The following HMCN2 variants were observed in gnomAD, a reference collection of about 807,000 sequenced individuals.
The protein encoded by HMCN2 is hemicentin 2, also known as hemicentin-2.
Under a neutral mutation model 377.5 loss-of-function variants are expected in HMCN2, and 325 were observed. The observed-to-expected ratio is 0.86, with a 90% CI of 0.79 to 0.94. The LOEUF (loss-of-function observed/expected upper bound fraction) is 0.94. Among genes scored for constraint, HMCN2 ranks in the 40% least tolerant of loss-of-function variants. HMCN2 has a pLI of 0.00. For missense variants in HMCN2, 4,543 were observed against 4,725.3 expected (o/e 0.96, Z 1.13); for synonymous variants, 2,007 against 2,046.8 (o/e 0.98, Z 0.53).
intron 66 of HMCN2, among the ~76,000 whole-genome samples, chr9:130,392,496 G>A (rs896009870): frequency 2.6e-5 from 4 of 152,180 alleles, no homozygotes; most frequent in East Asian, 1.9e-4. Context: ...GACAGAGAGT[G>A]AAGCCAGTGA....
chr9:130,311,334 G>C (rs1360186338), intron 15 of HMCN2, among the ~76,000 whole-genome samples: 2 of 152,200 alleles, frequency 1.3e-5, no homozygotes. Flanking sequence ...GTCTGGCCTG[G>C]GGGGGTTGTG....
chr9:130,428,319 A>T lies in HMCN2; in HGVS notation c.14066-39A>T, dbSNP rs548093965. On this transcript the variant is annotated intron_variant, in intron 92 of 97. Coordinates refer to ENST00000683500, the MANE Select transcript of HMCN2 (RefSeq NM_001291815.2). This position sits in a 1 kb window ranked among gnomAD's most constrained non-coding sequence, Gnocchi z 5.0. Reference sequence around the variant, plus strand: ...GTCAGGTGGCGAGGCACGCCTGGGGATCATGTTCACACAGCCGTCTGCCCT... The same window carrying T: ...GTCAGGTGGCGAGGCACGCCTGGGGTTCATGTTCACACAGCCGTCTGCCCT... 7 of 1,496,348 alleles carry T rather than the reference A, an allele frequency of 4.7e-6. No individual in the cohort carries two copies. The East Asian group carries it at 7.6e-5, about 16-fold the overall frequency. 92.7% of individuals were successfully genotyped at this position (1,496,348 alleles called of 1,614,324 possible).
intron 84 of HMCN2, 65 bp from the exon 85 acceptor site, chr9:130,410,506 C>T: frequency 8.9e-6 from 13 of 1,467,184 alleles, no homozygotes; most frequent in Non-Finnish European, 1.2e-5. Flanking sequence ...GTCCCCTACC[C>T]AACTGTCTGA....
chr9:130,342,056 T>TAAAA (rs1228375986), intron 24 of HMCN2, among the ~76,000 whole-genome samples: 34 of 148,110 alleles, frequency 2.3e-4, no homozygotes, highest in African/African-American at 8.1e-4. Flanking sequence ...AATAAATAAA[T>TAAAA]AAATAAAAGC....
chr9:130,303,626 C>T lies in HMCN2; in HGVS notation c.1543+18C>T, dbSNP rs1554935409. On this transcript the variant is annotated intron_variant, in intron 10 of 97. Coordinates refer to ENST00000683500, the MANE Select transcript of HMCN2 (RefSeq NM_001291815.2). This position sits in a 1 kb window ranked among gnomAD's most constrained non-coding sequence, Gnocchi z 5.2. ...TGTCACAGGTCTGTCCCTTGGGGCC[C>T]CTCCATGTACCCCTTCCTTACCCTC... 1 of 248,862 alleles carries T rather than the reference C, an allele frequency of 4.0e-6. No individual in the cohort carries two copies. The highest frequency in any genetic ancestry group is 2.4e-5 in the African/African-American group (1 of 42,466). 15.4% of individuals were successfully genotyped at this position (248,862 alleles called of 1,614,324 possible). A position where few individuals can be genotyped will look rare whatever the true frequency, so the allele number is the denominator to read the frequency against.
chr9:130,429,875 T>C, intron 94 of HMCN2, 190 bp downstream of exon 94: 3 of 1,137,416 alleles, frequency 2.6e-6, no homozygotes, highest in East Asian at 2.7e-5. Context: ...CAGCCGACAC[T>C]TTGCACTCAC....
chr9:130,395,429 GAGCGGGTGC>G, intron 71 of HMCN2, 82 bp downstream of exon 71: 1 of 1,176,700 alleles, frequency 8.5e-7, no homozygotes, highest in Non-Finnish European at 1.1e-6. Context: ...CCAAGATCCA[GAGCGGGTGC>G]CAAGGGCCCG....
rs891348727 is a variant in HMCN2, at chr9:130,345,303, G to A, written c.3830-1863G>A. 9.4e-5 allele frequency among the ~76,000 whole-genome samples: 14 copies of A among 149,216 alleles called. No homozygotes were observed. The East Asian group carries it at 1.8e-3, about 19-fold the overall frequency. ...GTATGGTGTGTACGTGGTGTGTGGT[G>A]TGTGTGTTGTTTGATATGTATGCTG... On this transcript the variant is annotated intron_variant, in intron 25 of 97. Transcript: ENST00000683500.
Position 130,382,225 on chromosome 9 carries a change from G to A in HMCN2, c.8473G>A (p.Ala2825Thr). Residue 2825 changes from alanine (A) to threonine (T), a missense_variant, in exon 55 of 98, where the codon GCC (alanine) becomes ACC (threonine). Ala to Thr is a moderately conservative substitution (Grantham distance 58). Transcript: ENST00000683500. ...LQIPLVRAEN[A>T]GRYSCKASNE... ...GATCCCCCTGGTGCGGGCAGAGAAC[G>A]CCGGGAGGTACTCGTGCAAGGCCTC... 6.1e-6 allele frequency: 6 copies of A among 985,860 alleles called. No individual in the cohort carries two copies. Among genetic ancestry groups the A allele is most frequent in the South Asian group, 9.4e-5 (2 of 21,284 alleles). 61.1% of individuals were successfully genotyped at this position (985,860 alleles called of 1,614,324 possible). A position where few individuals can be genotyped will look rare whatever the true frequency, so the allele number is the denominator to read the frequency against.
In HMCN2 at chr9:130,427,496, G is replaced by A; in HGVS notation, c.13943-1G>A. 6.4e-7 allele frequency: 1 copy of A among 1,550,440 alleles called. No individual in the cohort carries two copies. The highest frequency in any genetic ancestry group is 8.7e-7 in the Non-Finnish European group (1 of 1,146,922). ...GACCACCAGACCCCTTCCTGCCCCA[G>A]ACAGGGACGAGTGCTCAGGAGGCCC... On this transcript the variant is annotated splice_acceptor_variant, in intron 91 of 97. Transcript: ENST00000683500. LOFTEE classifies it high-confidence loss of function.
chr9:130,360,542 A>T lies in HMCN2; in HGVS notation c.5888A>T (p.Tyr1963Phe). The T allele has an allele frequency of 7.7e-7, 1 of 1,304,186 alleles. No individual in the cohort carries two copies. Among genetic ancestry groups the T allele is most frequent in the Non-Finnish European group, 1.0e-6 (1 of 988,918 alleles). The allele number at this position is 1,304,186 out of a possible 1,614,324, so 80.8% of individuals were successfully genotyped here. ...GCCCAGCTTTCTGATGCTGGGAGCT[A>T]CCGCTGTGTGGCATCCAATGTGGCA... ...EQAQLSDAGSYRCVASNVAGS... is the reference protein window; with the variant it reads ...EQAQLSDAGSFRCVASNVAGS... The change falls in exon 38 of 98, where the codon TAC becomes TTC. Residue 1963 changes from tyrosine to phenylalanine, a missense_variant. This residue lies in a region of HMCN2 where 1,032 missense variants were observed against 1,285.1 expected (regional missense o/e 0.80). Coordinates refer to ENST00000683500, the MANE Select transcript of HMCN2 (RefSeq NM_001291815.2). This position sits in a 1 kb window ranked among gnomAD's most constrained non-coding sequence, Gnocchi z 4.7.
At position 130,358,218 on chromosome 9, in the gene HMCN2, C is replaced by T. The variant is rs1007243771; in HGVS notation, c.5581-172C>T. Reference sequence around the variant, plus strand: ...GACAGGGAATGGTATGCCTGGAGATCGGACGAATCCCTGGAATCCAAGTGC... The same window carrying T: ...GACAGGGAATGGTATGCCTGGAGATTGGACGAATCCCTGGAATCCAAGTGC... On this transcript the variant is annotated intron_variant, in intron 35 of 97. Transcript: ENST00000683500. The T allele has an allele frequency of 2.4e-5, 13 of 542,420 alleles. No homozygotes were observed. The East Asian group carries it at 8.8e-4, about 37-fold the overall frequency. 33.6% of individuals were successfully genotyped at this position (542,420 alleles called of 1,614,324 possible).
intron 4 of HMCN2, among the ~76,000 whole-genome samples, chr9:130,292,233 C>G (rs1285942190): frequency 1.3e-5 from 2 of 152,160 alleles, no homozygotes; most frequent in Non-Finnish European, 2.9e-5. Context: ...AGCCAGCTCT[C>G]TGTATGGTTG....
chr9:130,334,614 G>A (rs982118221), intron 22 of HMCN2, among the ~76,000 whole-genome samples: 15 of 149,902 alleles, frequency 1.0e-4, no homozygotes, highest in Admixed American at 2.7e-4. Flanking sequence ...GGTGAAGAGG[G>A]GAGTAGGGAT....
Position 130,369,973 on chromosome 9 carries a change from T to C in HMCN2, c.7069+122T>C, listed in dbSNP as rs1012630832. 5.7e-6 allele frequency: 3 copies of C among 527,194 alleles called. No individual in the cohort carries two copies. Among genetic ancestry groups the C allele is most frequent in the Non-Finnish European group, 7.3e-6 (3 of 411,382 alleles). 32.7% of individuals were successfully genotyped at this position (527,194 alleles called of 1,614,324 possible). The stretch of plus-strand genomic sequence containing the variant: ...GGGGTCACACCTGTTCTTTCTGGAG[T>C]CAGGGCTCTAATGAGAGCTGCTGGT... On this transcript the variant is annotated intron_variant, in intron 45 of 97. Coordinates refer to ENST00000683500, the MANE Select transcript of HMCN2 (RefSeq NM_001291815.2). The surrounding 1 kb of genome is among the most constrained non-coding windows in gnomAD (Gnocchi z 4.5).
In HMCN2 at chr9:130,396,150, C is replaced by A. The variant is rs1842599269; in HGVS notation, c.11054-19C>A. ...AGAGCCACAGCTCCCAGCACCACTC[C>A]CTCTGTGCCCCTCCCCAGCGGTGCC... On this transcript the variant is annotated intron_variant, in intron 72 of 97. Coordinates refer to ENST00000683500, the MANE Select transcript of HMCN2 (RefSeq NM_001291815.2). 8.7e-6 allele frequency: 11 copies of A among 1,262,762 alleles called. No homozygotes were observed. The highest frequency in any genetic ancestry group is 1.1e-5 in the Non-Finnish European group (11 of 968,626). 78.2% of individuals were successfully genotyped at this position (1,262,762 alleles called of 1,614,324 possible).
chr9:130,411,640 A>G (rs775334126), intron 85 of HMCN2, among the ~76,000 whole-genome samples: 9 of 151,944 alleles, frequency 5.9e-5, no homozygotes, highest in Non-Finnish European at 1.2e-4. Context: ...ATGCAATGCA[A>G]TTCTGACACA....
rs753835064 is a variant in HMCN2, at chr9:130,431,360, G to C, written c.14648-7G>C. On this transcript the variant is annotated splice_polypyrimidine_tract_variant and splice_region_variant and intron_variant, in intron 95 of 97. Coordinates refer to ENST00000683500, the MANE Select transcript of HMCN2 (RefSeq NM_001291815.2). ...CCCCACCTGCCCCACCCCCATGCCC[G>C]GGCCAGACCTTGACGAGTGCCGCGT... The C allele has an allele frequency of 8.4e-6, 13 of 1,543,474 alleles. No homozygotes were observed. Among genetic ancestry groups the C allele is most frequent in the Admixed American group, 4.0e-5 (2 of 50,598 alleles).
intron 97 of HMCN2, chr9:130,432,789 ACT>A (rs1350897493): frequency 1.8e-6 from 1 of 566,840 alleles, no homozygotes; most frequent in Non-Finnish European, 3.2e-6. Flanking sequence ...CCAGGACAAA[ACT>A]CAGACACGCC....
Sources: gnomAD v4.1 joint callset for allele counts (sites outside exome capture counted in the v4.1 genomes callset) on GRCh38, gnomAD v4.1.1 for gene constraint, gnomAD v4.1.1 regional missense constraint, Gnocchi (gnomAD v3.1) non-coding constraint, MANE v1.5 for transcripts, NCBI Gene and HGNC (gene_info 2026-07-23, HGNC 2026-07-21) for gene names.